XCR1: variants seen among roughly 807,000 people sequenced by gnomAD.
XCR1 encodes the protein chemokine XC receptor 1.
For synonymous variants in XCR1, 187 were observed against 188.5 expected, an observed-to-expected ratio of 0.99 and a Z score of 0.06; for missense variants, 356 against 424.2, an observed-to-expected ratio of 0.84 and a Z score of 1.41.
chr3:46,065,609 C>T (rs755922027), intron 4 of XCR1, among the ~76,000 whole-genome samples: 91 of 152,246 alleles, frequency 6.0e-4, no homozygotes, highest in Non-Finnish European at 1.0e-3. Context: ...ACACAGCCCA[C>T]TTACACGGCA....
chr3:46,036,606 TAAG>T (rs1266763676), intron 5 of XCR1, among the ~76,000 whole-genome samples: 1 of 152,234 alleles, frequency 6.6e-6, no homozygotes, highest in African/African-American at 2.4e-5. Context: ...AGGAATGTCT[TAAG>T]AATTGTTAAC....
At chr3:46,058,812 A>T (rs1697904780) in intron 4 of XCR1, among the ~76,000 whole-genome samples, 1 of 152,236 alleles carries the variant, frequency 6.6e-6, no homozygotes, top group Admixed American at 6.5e-5. Flanking sequence ...GGATCCACCC[A>T]CCTTGGCCTC....
chr3:46,082,010 A>T (rs999008267), intron 1 of XCR1, among the ~76,000 whole-genome samples: 4 of 152,206 alleles, frequency 2.6e-5, no homozygotes, highest in African/African-American at 9.7e-5. Context: ...CCCAGTGGGA[A>T]GGGACCATAT....
intron 3 of XCR1, among the ~76,000 whole-genome samples, chr3:46,069,601 G>C (rs1416748614): frequency 1.3e-5 from 2 of 152,082 alleles, no homozygotes; most frequent in African/African-American, 4.8e-5. Flanking sequence ...AACATAAATA[G>C]TGGATTAATA....
intron 1 of XCR1, among the ~76,000 whole-genome samples, chr3:46,027,033 A>G (rs1216725386): frequency 6.6e-6 from 1 of 151,810 alleles, no homozygotes; most frequent in Non-Finnish European, 1.5e-5. Context: ...GATGTGTGCT[A>G]CCACACCTAG....
intron 1 of XCR1, among the ~76,000 whole-genome samples, chr3:46,082,877 T>G (rs1457201891): frequency 6.6e-6 from 1 of 152,208 alleles, no homozygotes. Flanking sequence ...CCATTGCCAC[T>G]GCTGGAAATC....
chr3:46,027,881 T>C (rs1008955792), upstream of XCR1: 1 of 152,200 alleles, frequency 6.6e-6, no homozygotes, highest in Admixed American at 6.5e-5. Flanking sequence ...GCTCGCCAAA[T>C]TTTCATTTGC....
intron 5 of XCR1, among the ~76,000 whole-genome samples, chr3:46,043,702 G>A (rs967068619): frequency 6.8e-6 from 1 of 146,542 alleles, no homozygotes; most frequent in African/African-American, 2.6e-5. Context: ...GGGCAACATA[G>A]TGAGACCTCA....
At position 46,021,537 on chromosome 3, in the gene XCR1, G is replaced by T. The variant is rs1200796165; in HGVS notation, c.411C>A (p.Thr137=). The change falls in exon 2 of 2, where the codon ACC becomes ACA. Residue 137 remains threonine, a synonymous_variant. Transcript: ENST00000309285. The surrounding 1 kb of genome is among the most constrained non-coding windows in gnomAD (Gnocchi z 4.7). ...GGCAGCGGAGGGTGGGGACGCGCAG[G>T]GTGGAGAGGGGGCTCACTACCGACA... The part of the protein sequence containing the change: ...RYLSVVSPLS[T]LRVPTLRCRV... The T allele has an allele frequency of 6.2e-7, 1 of 1,611,072 alleles. No homozygotes were observed. Among genetic ancestry groups the T allele is most frequent in the Middle Eastern group, 1.7e-4 (1 of 6,054 alleles).
chr3:46,083,019 G>C (rs17078589), intron 1 of XCR1, among the ~76,000 whole-genome samples: 46,094 of 152,030 alleles, frequency 0.3, 7,752 homozygotes, highest in African/African-American at 0.45. Context: ...CCACATAAAA[G>C]CAAACCTGTT....
intron 3 of XCR1, among the ~76,000 whole-genome samples, chr3:46,068,062 A>G (rs933722764): frequency 2.0e-5 from 3 of 152,204 alleles, no homozygotes; most frequent in African/African-American, 7.2e-5. Flanking sequence ...CTTGGCTGCC[A>G]GTAACAGAGC....
chr3:46,062,252 G>A lies in XCR1; in HGVS notation c.-183+4647C>T, dbSNP rs545789644. Among the ~76,000 whole-genome samples the A allele has an allele frequency of 4.6e-5, 7 of 152,162 alleles. No individual in the cohort carries two copies. In the South Asian group the frequency reaches 1.2e-3, roughly 27 times the overall value. ...CCCTGCAGCAGCCATGGACATGCCC[G>A]CTCAGCTGTCCTTCAGGAGACCCTG... On this transcript the variant is annotated intron_variant, in intron 4 of 5. Coordinates refer to the XCR1 transcript ENST00000683768.
chr3:46,074,875 T>A (rs1037053464), intron 2 of XCR1, among the ~76,000 whole-genome samples: 2 of 152,112 alleles, frequency 1.3e-5, no homozygotes, highest in African/African-American at 4.8e-5. Context: ...ACTTGTCAAC[T>A]TAGATGAGAT....
intron 5 of XCR1, among the ~76,000 whole-genome samples, chr3:46,036,464 G>A (rs1697432776): frequency 6.6e-6 from 1 of 152,094 alleles, no homozygotes; most frequent in Admixed American, 6.6e-5. Flanking sequence ...ATGTCTTTTT[G>A]TCTAACAAAT....
chr3:46,044,266 G>A (rs898981443), intron 5 of XCR1, among the ~76,000 whole-genome samples: 4 of 152,036 alleles, frequency 2.6e-5, no homozygotes, highest in Non-Finnish European at 5.9e-5. Flanking sequence ...GGATTACAGG[G>A]ATGAGCCACC....
At chr3:46,068,309 G>A (rs1698111145) in intron 3 of XCR1, among the ~76,000 whole-genome samples, 1 of 152,096 alleles carries the variant, frequency 6.6e-6, no homozygotes, top group African/African-American at 2.4e-5. Flanking sequence ...TGCCACGTCT[G>A]AAAGCATTTT....
At chr3:46,031,027 G>T (rs34619093), upstream of XCR1, among the ~76,000 whole-genome samples, 2 of 152,212 alleles carry the variant, frequency 1.3e-5, no homozygotes, top group Non-Finnish European at 2.9e-5. Flanking sequence ...GGGAAAATGC[G>T]GAGAGGAGGT....
At chr3:46,064,127 C>T (rs1471846829) in intron 4 of XCR1, among the ~76,000 whole-genome samples, 1 of 152,224 alleles carries the variant, frequency 6.6e-6, no homozygotes, top group East Asian at 1.9e-4. Context: ...CCCACCTTGG[C>T]CTCCCAAAGT....
At chr3:46,079,605 T>C (rs1466001732) in intron 1 of XCR1, among the ~76,000 whole-genome samples, 4 of 152,050 alleles carry the variant, frequency 2.6e-5, no homozygotes, top group African/African-American at 9.7e-5. Context: ...CCTTAGGAAA[T>C]TCCCTAGAAC....
Sources: allele counts gnomAD v4.1 joint callset (sites outside exome capture counted in the v4.1 genomes callset), GRCh38; gene constraint gnomAD v4.1.1; non-coding constraint Gnocchi (gnomAD v3.1); transcripts MANE v1.5; gene names NCBI Gene and HGNC (gene_info 2026-07-23, HGNC 2026-07-21).